GPR149: variants seen among roughly 807,000 people sequenced by gnomAD.
The protein encoded by GPR149 is probable G protein-coupled receptor 149.
Under a neutral mutation model 50.2 loss-of-function variants are expected in GPR149, and 50 were observed. The ratio of observed to expected loss-of-function variants is 1.00; its 90% CI spans 0.79 to 1.26. The LOEUF (loss-of-function observed/expected upper bound fraction) is 1.26, where lower values mean the gene tolerates loss of function less well. GPR149 is among the 50% of genes most tolerant of loss of function. GPR149 has a pLI of 0.00. For missense variants in GPR149, 983 were observed against 895.4 expected, an observed-to-expected ratio of 1.10 and a Z score of -1.25; for synonymous variants, 405 against 358.2, an observed-to-expected ratio of 1.13 and a Z score of -1.48.
At chr3:154,413,376 T>C (rs1168462886) in intron 3 of GPR149, among the ~76,000 whole-genome samples, 1 of 151,840 alleles carries the variant, frequency 6.6e-6, no homozygotes, top group East Asian at 1.9e-4. Context: ...AGCCACAGCA[T>C]GGGAAAAAAA....
chr3:154,361,856 C>T (rs789378), intron 3 of GPR149, among the ~76,000 whole-genome samples: 67,425 of 151,918 alleles, frequency 0.44, 15,165 homozygotes, highest in Non-Finnish European at 0.48. Context: ...TTACAAATGC[C>T]AGTCTTAGAT....
intron 3 of GPR149, among the ~76,000 whole-genome samples, chr3:154,355,343 G>A (rs1206549155): frequency 6.6e-6 from 1 of 152,118 alleles, no homozygotes; most frequent in Non-Finnish European, 1.5e-5. Context: ...TTCTTATTAT[G>A]GAAATTTGTA....
intron 3 of GPR149, among the ~76,000 whole-genome samples, chr3:154,416,837 C>A (rs1056617833): frequency 2.0e-5 from 3 of 151,918 alleles, no homozygotes; most frequent in Admixed American, 6.6e-5. Context: ...AAACACCCTA[C>A]TGGCAAAATG....
At chr3:154,380,529 C>T (rs1362339742) in intron 3 of GPR149, among the ~76,000 whole-genome samples, 1 of 152,124 alleles carries the variant, frequency 6.6e-6, no homozygotes, top group Non-Finnish European at 1.5e-5. Context: ...TATGATTGCA[C>T]TAAATTATTT....
chr3:154,354,657 G>A (rs2108391411), intron 3 of GPR149: 1 of 249,380 alleles, frequency 4.0e-6, no homozygotes, highest in East Asian at 1.2e-4. Flanking sequence ...CCATTTCTTA[G>A]TTTAAGCCCC....
At chr3:154,400,344 GCTTA>G (rs1045459427) in intron 3 of GPR149, among the ~76,000 whole-genome samples, 2 of 152,066 alleles carry the variant, frequency 1.3e-5, no homozygotes, top group African/African-American at 4.8e-5. Context: ...AGTTTTATAA[GCTTA>G]CTAAGGATCA....
chr3:154,398,134 T>C (rs1715337199), intron 3 of GPR149, among the ~76,000 whole-genome samples: 2 of 152,170 alleles, frequency 1.3e-5, no homozygotes, highest in South Asian at 2.1e-4. Flanking sequence ...TTGTTAAACA[T>C]TTATCAACAC....
intron 3 of GPR149, among the ~76,000 whole-genome samples, chr3:154,398,416 G>T (rs1418252408): frequency 6.6e-6 from 1 of 152,086 alleles, no homozygotes; most frequent in Non-Finnish European, 1.5e-5. Context: ...TTAGTAAATT[G>T]TGTCAATTTT....
At chr3:154,385,904 T>C (rs1178319296) in intron 3 of GPR149, among the ~76,000 whole-genome samples, 1 of 152,062 alleles carries the variant, frequency 6.6e-6, no homozygotes, top group Non-Finnish European at 1.5e-5. Context: ...GGTTTCACCC[T>C]GTTAGCCAGG....
At position 154,421,196 on chromosome 3, in the gene GPR149, T is replaced by G. The variant is rs372164396; in HGVS notation, c.1466A>C (p.Lys489Thr). 4 of 1,613,444 alleles carry G rather than the reference T, an allele frequency of 2.5e-6. No homozygotes were observed. The highest frequency in any genetic ancestry group is 3.4e-6 in the Non-Finnish European group (4 of 1,179,624). ...TCCTGTTTTGTCAGAAAACGCATCC[T>G]TTTTGTTGTTGGAATCCTGTTTAGC... Reference protein sequence around the residue: ...TEAKQDSNNKKDAFSDKTGGD... With the variant: ...TEAKQDSNNKTDAFSDKTGGD... The change falls in exon 3 of 4, where the codon AAG becomes ACG. Residue 489 changes from lysine to threonine, a missense_variant. Physicochemically the swap from Lys to Thr is moderately conservative, Grantham distance 78 (BLOSUM62 -1). Transcript: ENST00000389740.
chr3:154,338,066 A>T lies in GPR149; in HGVS notation c.1829T>A (p.Phe610Tyr). Residue 610 changes from phenylalanine to tyrosine, a missense_variant, in exon 4 of 4, where the codon TTT becomes TAT. Coordinates refer to ENST00000389740, the MANE Select transcript of GPR149 (RefSeq NM_001038705.3). ...GTGTATTTTCACACTGGTGTCCACA[A>T]ACGTGGATGAAGAATCTTCTGAGTT... Reference protein sequence around the residue: ...EPNSEDSSSTFVDTSVKIHLE... With the variant: ...EPNSEDSSSTYVDTSVKIHLE... 6.2e-7 allele frequency: 1 copy of T among 1,614,196 alleles called. No homozygotes were observed. Among genetic ancestry groups the T allele is most frequent in the Middle Eastern group, 1.6e-4 (1 of 6,062 alleles).
At chr3:154,406,136 AAGAT>A (rs142206624) in intron 3 of GPR149, among the ~76,000 whole-genome samples, 1,524 of 152,184 alleles carry the variant, frequency 0.01, 13 homozygotes, top group African/African-American at 0.035. Context: ...AATAGAGAAA[AAGAT>A]AGAAGTTCCT....
intron 3 of GPR149, among the ~76,000 whole-genome samples, chr3:154,338,714 T>C (rs1454878467): frequency 3.3e-5 from 5 of 152,200 alleles, no homozygotes; most frequent in Admixed American, 1.3e-4. Flanking sequence ...TTTTTTCTGT[T>C]TAGTATGCCA....
At chr3:154,345,378 G>T (rs1157257593) in intron 3 of GPR149, among the ~76,000 whole-genome samples, 2 of 152,170 alleles carry the variant, frequency 1.3e-5, no homozygotes, top group African/African-American at 4.8e-5. Context: ...TTATGTGAAA[G>T]TTATTGAATG....
At chr3:154,343,843 AGT>A (rs1713859399) in intron 3 of GPR149, among the ~76,000 whole-genome samples, 1 of 151,906 alleles carries the variant, frequency 6.6e-6, no homozygotes, top group African/African-American at 2.4e-5. Flanking sequence ...TGGGCATGGT[AGT>A]GTGTGTTTCT....
chr3:154,348,879 C>T (rs186604408), intron 3 of GPR149, among the ~76,000 whole-genome samples: 64 of 152,154 alleles, frequency 4.2e-4, no homozygotes, highest in Non-Finnish European at 8.5e-4. Flanking sequence ...CCTATCTAAG[C>T]CATAAGACAA....
At chr3:154,382,648 C>T (rs1714953285) in intron 3 of GPR149, among the ~76,000 whole-genome samples, 1 of 152,068 alleles carries the variant, frequency 6.6e-6, no homozygotes. Flanking sequence ...TGCTGAAAAT[C>T]ACGAGTCATT....
At chr3:154,346,080 C>T (rs939335825) in intron 3 of GPR149, among the ~76,000 whole-genome samples, 2 of 152,172 alleles carry the variant, frequency 1.3e-5, no homozygotes, top group African/African-American at 4.8e-5. Context: ...CTGTCACTAA[C>T]TCATGAGTAA....
At chr3:154,420,658 C>G (rs1045936474) in intron 3 of GPR149, among the ~76,000 whole-genome samples, 14 of 151,646 alleles carry the variant, frequency 9.2e-5, no homozygotes, top group African/African-American at 3.4e-4. Flanking sequence ...ATAAAACTTC[C>G]CTTGGAGACT....
Sources: gnomAD v4.1 joint callset for allele counts (sites outside exome capture counted in the v4.1 genomes callset) on GRCh38, gnomAD v4.1.1 for gene constraint, MANE v1.5 for transcripts, NCBI Gene and HGNC (gene_info 2026-07-23, HGNC 2026-07-21) for gene names.